Variants in SLA observed in about 807,000 individuals in gnomAD.
SLA encodes the protein Src like adaptor, also known as src-like-adapter.
A neutral mutation model predicts 30.3 loss-of-function variants in SLA; 16 were observed. The observed-to-expected ratio is 0.53, with a 90% CI of 0.36 to 0.80. The LOEUF (loss-of-function observed/expected upper bound fraction) is 0.80, where lower values mean the gene tolerates loss of function less well. Among genes scored for constraint, SLA ranks in the 30% least tolerant of loss-of-function variants. The pLI is 0.01. For synonymous variants in SLA, 143 were observed against 137.8 expected, an observed-to-expected ratio of 1.04 and a Z score of -0.26; for missense variants, 310 against 345.2, an observed-to-expected ratio of 0.90 and a Z score of 0.81.
chr8:133,099,623 C>G (rs751224505), intron 1 of SLA, among the ~76,000 whole-genome samples: 1 of 152,206 alleles, frequency 6.6e-6, no homozygotes, highest in African/African-American at 2.4e-5. Flanking sequence ...GATTCCACCT[C>G]TGCTCCCATC....
chr8:133,074,156 T>C (rs1239390932), intron 2 of SLA, among the ~76,000 whole-genome samples: 1 of 152,180 alleles, frequency 6.6e-6, no homozygotes, highest in Non-Finnish European at 1.5e-5. Context: ...TAACATGCTG[T>C]TTTCAGAATT....
intron 3 of SLA, among the ~76,000 whole-genome samples, chr8:133,052,454 T>C (rs1840590273): frequency 6.6e-6 from 1 of 152,106 alleles, no homozygotes. Context: ...TGAGAAACAG[T>C]CGTGTCGGGA....
At chr8:133,072,617 A>G (rs550621264) in intron 2 of SLA, among the ~76,000 whole-genome samples, 1 of 152,356 alleles carries the variant, frequency 6.6e-6, no homozygotes, top group Admixed American at 6.5e-5. Flanking sequence ...TTCTTGATGA[A>G]TGTCAAATAA....
intron 7 of SLA, among the ~76,000 whole-genome samples, chr8:133,044,731 C>A (rs574370860): frequency 1.3e-5 from 2 of 152,322 alleles, no homozygotes; most frequent in South Asian, 2.1e-4. Context: ...AATTTAGGCA[C>A]ACCCTAACTT....
chr8:133,048,954 C>G (rs1839940791), intron 5 of SLA: 1 of 325,410 alleles, frequency 3.1e-6, no homozygotes, highest in African/African-American at 2.2e-5. Flanking sequence ...GAAGAAGTAA[C>G]TTAGTGTTTA....
rs1272910052 is a variant in SLA, at chr8:133,038,614, A to G, written c.741T>C (p.Phe247=). Residue 247 remains phenylalanine, a synonymous_variant, in exon 9 of 9, where the codon TTT becomes TTC. Transcript: ENST00000338087. ...GGGAGATGCTTTTCTTCTTTCGATC[A>G]AAGGAGGTGTTGTCCTCACTGGTCA... is the stretch of plus-strand genomic sequence containing the variant. ...LSLTSEDNTS[F]DRKKKSISLM... The G allele has an allele frequency of 2.5e-6, 4 of 1,614,080 alleles. No individual in the cohort carries two copies. Among genetic ancestry groups the G allele is most frequent in the Non-Finnish European group, 3.4e-6 (4 of 1,179,970 alleles).
intron 3 of SLA, among the ~76,000 whole-genome samples, chr8:133,055,587 C>T (rs1052665334): frequency 6.6e-6 from 1 of 152,056 alleles, no homozygotes; most frequent in Admixed American, 6.5e-5. Context: ...TTGGTTTTTC[C>T]GTATGTTAGT....
At chr8:133,095,952 C>T (rs1484799227) in intron 1 of SLA, among the ~76,000 whole-genome samples, 2 of 152,298 alleles carry the variant, frequency 1.3e-5, no homozygotes, top group Middle Eastern at 3.4e-3. Context: ...GCTTTCCCAT[C>T]CCTACCTGGG....
intron 2 of SLA, among the ~76,000 whole-genome samples, chr8:133,060,709 A>T (rs534601918): frequency 2.2e-4 from 33 of 152,296 alleles, no homozygotes; most frequent in African/African-American, 7.0e-4. Context: ...AAAGAGGAAA[A>T]CTTCATAACA....
chr8:133,075,969 T>C (rs1283875424), intron 1 of SLA: 3 of 152,212 alleles, frequency 2.0e-5, no homozygotes, highest in Non-Finnish European at 4.4e-5. Context: ...GTATATGTTA[T>C]ACATTATGTA....
chr8:133,043,259 G>A (rs1018004918), intron 7 of SLA, among the ~76,000 whole-genome samples: 4 of 152,082 alleles, frequency 2.6e-5, no homozygotes, highest in African/African-American at 7.2e-5. Context: ...TAGCCTCATG[G>A]CCTCATGGTC....
At chr8:133,074,100 C>T (rs1366653975) in intron 2 of SLA, among the ~76,000 whole-genome samples, 1 of 152,078 alleles carries the variant, frequency 6.6e-6, no homozygotes, top group Non-Finnish European at 1.5e-5. Context: ...GTGGAGTGTG[C>T]CATATTTCTT....
In SLA at chr8:133,038,065, A is replaced by G; in HGVS notation, c.*459T>C. On this transcript the variant is annotated 3_prime_UTR_variant, in exon 9 of 9. Transcript: ENST00000338087. ...TAAAGTAGTTCCATTCAGGGCACCC[A>G]TCTGCAAACCCAGACCTTCTGCCAG... 1 of 170,794 alleles carries G rather than the reference A, an allele frequency of 5.9e-6. No individual in the cohort carries two copies. The highest frequency in any genetic ancestry group is 1.3e-5 in the Non-Finnish European group (1 of 79,438). The allele number at this position is 170,794 out of a possible 1,614,324, so 10.6% of individuals were successfully genotyped here.
Position 133,096,257 on chromosome 8 carries a change from C to T in SLA, c.-319+6296G>A, listed in dbSNP as rs202166621. On this transcript the variant is annotated intron_variant, in intron 1 of 8. Coordinates refer to ENST00000338087, the MANE Select transcript of SLA (RefSeq NM_001045556.3). ...CTACTGGGGTCCTGTGATCGATGGCCACTTCCTCCGTGAGCCTCCAGCCAG... is the reference window on the plus strand; with the variant it reads ...CTACTGGGGTCCTGTGATCGATGGCTACTTCCTCCGTGAGCCTCCAGCCAG... The T allele has an allele frequency of 5.0e-6, 8 of 1,614,220 alleles. No homozygotes were observed. In the East Asian group the frequency reaches 1.8e-4, roughly 36 times the overall value.
In SLA at chr8:133,050,778, G is replaced by C. The variant is rs190680199; in HGVS notation, c.161+38C>G. On this transcript the variant is annotated intron_variant, in intron 4 of 8. Coordinates refer to ENST00000338087, the MANE Select transcript of SLA (RefSeq NM_001045556.3). ...TTTTCTCCCAAACCAAGTTTATCCT[G>C]CTTTGAAGATTGCACAAGTTTTGGA... 1,638 of 1,307,642 alleles carry C rather than the reference G, an allele frequency of 1.3e-3. 1 individual carries two copies. The highest frequency in any genetic ancestry group is 1.6e-3 in the Non-Finnish European group (1,444 of 900,230). The allele number at this position is 1,307,642 out of a possible 1,614,324, so 81.0% of individuals were successfully genotyped here. A position where few individuals can be genotyped will look rare whatever the true frequency, so the allele number is the denominator to read the frequency against.
At chr8:133,046,956 T>G (rs1465509349) in intron 6 of SLA, 1 of 152,178 alleles carries the variant, frequency 6.6e-6, no homozygotes, top group Non-Finnish European at 1.5e-5. Flanking sequence ...TGATATTGAA[T>G]GTACAAGAAG....
chr8:133,047,684 G>A (rs1473451685), intron 6 of SLA, 146 bp downstream of exon 6: 1 of 673,580 alleles, frequency 1.5e-6, no homozygotes, highest in South Asian at 1.6e-5. Flanking sequence ...CTCCCCAGCA[G>A]CGTGTGGGCT....
At chr8:133,101,264 A>G (rs1288432383) in intron 1 of SLA, among the ~76,000 whole-genome samples, 1 of 152,240 alleles carries the variant, frequency 6.6e-6, no homozygotes, top group African/African-American at 2.4e-5. Context: ...AAACTGAGTT[A>G]TGAGCTATGC....
rs530091900 is a variant in SLA at position 133,039,503 on chromosome 8, C to G, written c.617+495G>C. On this transcript the variant is annotated intron_variant, in intron 8 of 8. Coordinates refer to ENST00000338087, the MANE Select transcript of SLA (RefSeq NM_001045556.3). ...AAGATAACCCACCAATCCCAAACTA[C>G]AGATATCCTTTAAAATTCACAGGCT... Among the ~76,000 whole-genome samples the G allele has an allele frequency of 8.5e-5, 13 of 152,276 alleles. No individual in the cohort carries two copies. In the East Asian group the frequency reaches 2.3e-3, roughly 27 times the overall value.
Sources: allele counts gnomAD v4.1 joint callset (sites outside exome capture counted in the v4.1 genomes callset), GRCh38; gene constraint gnomAD v4.1.1; transcripts MANE v1.5; gene names NCBI Gene and HGNC (gene_info 2026-07-23, HGNC 2026-07-21).